MORC1: variants seen among roughly 807,000 people sequenced by gnomAD.
MORC1 encodes MORC family CW-type zinc finger 1.
Under a neutral mutation model 134.9 loss-of-function variants are expected in MORC1, and 59 were observed. The observed-to-expected ratio is 0.44, with a 90% CI of 0.35 to 0.54. MORC1 has a LOEUF of 0.54. Among genes scored for constraint, MORC1 ranks in the 20% least tolerant of loss-of-function variants. The probability of loss-of-function intolerance (pLI) is 0.00; values close to 1 mark genes in which losing one functional copy is unlikely to be tolerated. For missense variants in MORC1, 947 were observed against 1,134.5 expected (o/e 0.83, Z 2.37); for synonymous variants, 395 against 391.7 (o/e 1.01, Z -0.10).
chr3:109,061,839 C>G (rs1467643283), intron 11 of MORC1, 149 bp downstream of exon 11: 2 of 734,740 alleles, frequency 2.7e-6, no homozygotes, highest in African/African-American at 3.5e-5. Context: ...CTCATCTATT[C>G]TGTTTACCTG....
intron 14 of MORC1, among the ~76,000 whole-genome samples, chr3:109,048,859 A>G (rs1445179628): frequency 6.6e-6 from 1 of 152,308 alleles, no homozygotes; most frequent in East Asian, 1.9e-4. Flanking sequence ...ACTATTTCTT[A>G]AAGGCCCTAT....
At chr3:108,960,780 G>A (rs1020624460) in intron 27 of MORC1, among the ~76,000 whole-genome samples, 2 of 151,938 alleles carry the variant, frequency 1.3e-5, no homozygotes, top group South Asian at 4.2e-4. Flanking sequence ...TTATAGTCCT[G>A]ATCTGACTCC....
intron 17 of MORC1, among the ~76,000 whole-genome samples, chr3:109,018,590 A>G (rs1375322446): frequency 6.6e-6 from 1 of 152,168 alleles, no homozygotes; most frequent in Admixed American, 6.5e-5. Flanking sequence ...AAATGTCCAG[A>G]TACATTTTCT....
chr3:109,095,172 C>T, intron 6 of MORC1, 104 bp from the exon 7 acceptor site: 1 of 1,119,172 alleles, frequency 8.9e-7, no homozygotes, highest in Non-Finnish European at 1.3e-6. Flanking sequence ...AATTACAAAA[C>T]ACTAAGTTAA....
chr3:109,034,665 C>T (rs2107614645), intron 15 of MORC1, among the ~76,000 whole-genome samples: 1 of 152,218 alleles, frequency 6.6e-6, no homozygotes, highest in Admixed American at 6.5e-5. Flanking sequence ...TACTATTTCA[C>T]AAACATTTTA....
intron 17 of MORC1, among the ~76,000 whole-genome samples, chr3:109,014,975 T>A (rs1948782882): frequency 6.6e-6 from 1 of 152,144 alleles, no homozygotes; most frequent in Non-Finnish European, 1.5e-5. Context: ...AACCTCTGCC[T>A]CCTGGGTTCA....
intron 21 of MORC1, among the ~76,000 whole-genome samples, chr3:108,996,486 T>C (rs551660138): frequency 1.2e-4 from 18 of 152,306 alleles, no homozygotes; most frequent in African/African-American, 4.3e-4. Context: ...ACTGAGAGGC[T>C]ATCTAGAGCA....
intron 8 of MORC1, among the ~76,000 whole-genome samples, chr3:109,079,217 A>C (rs1402604048): frequency 1.3e-5 from 2 of 152,106 alleles, no homozygotes; most frequent in East Asian, 3.8e-4. Context: ...AAAAGCAAAA[A>C]ATTTAAAGGA....
chr3:109,101,254 C>T (rs1950920013), intron 4 of MORC1, among the ~76,000 whole-genome samples: 1 of 152,158 alleles, frequency 6.6e-6, no homozygotes, highest in Non-Finnish European at 1.5e-5. Flanking sequence ...CTAGTAATTT[C>T]CCCACGAATT....
Position 108,958,893 on chromosome 3 carries a change from A to C in MORC1, c.*72T>G. The stretch of plus-strand genomic sequence containing the variant: ...ATAGACTTTACAGTAACAACAACAA[A>C]AAAGAAAAATTTTTAAAAGAATCTT... On this transcript the variant is annotated 3_prime_UTR_variant, in exon 28 of 28. Coordinates refer to ENST00000232603, the MANE Select transcript of MORC1 (RefSeq NM_014429.4). The C allele has an allele frequency of 1.7e-6, 2 of 1,190,814 alleles. No homozygotes were observed. Among genetic ancestry groups the C allele is most frequent in the Non-Finnish European group, 2.3e-6 (2 of 884,330 alleles). The allele number at this position is 1,190,814 out of a possible 1,614,324, so 73.8% of individuals were successfully genotyped here.
chr3:109,114,848 A>G (rs1951236884), intron 1 of MORC1, among the ~76,000 whole-genome samples: 1 of 152,266 alleles, frequency 6.6e-6, no homozygotes, highest in Non-Finnish European at 1.5e-5. Context: ...AAAAGGCCAT[A>G]AGGCTCCATG....
rs773525626 is a variant in MORC1, at chr3:109,059,845, T to G, written c.992A>C (p.Asp331Ala). The change falls in exon 12 of 28, where the codon GAT becomes GCT. Residue 331 changes from aspartate (D) to alanine (A), a missense_variant. Asp to Ala is a moderately radical substitution (Grantham distance 126). Transcript: ENST00000232603. ...AAGATTCTTTTGCTTTGCTTCTACATCTTCCAAAGCTCTCTGTAATACATC... is the reference window on the plus strand; with the variant it reads ...AAGATTCTTTTGCTTTGCTTCTACAGCTTCCAAAGCTCTCTGTAATACATC... The part of the protein sequence containing the change: ...AKDVLQRALE[D>A]VEAKQKNLKE... 2 of 1,612,808 alleles carry G rather than the reference T, an allele frequency of 1.2e-6. No individual in the cohort carries two copies. The highest frequency in any genetic ancestry group is 3.3e-5 in the Admixed American group (2 of 59,890).
At chr3:109,090,620 CAAAA>C (rs34093019) in intron 8 of MORC1, among the ~76,000 whole-genome samples, 21 of 54,688 alleles carry the variant, frequency 3.8e-4, no homozygotes, top group African/African-American at 1.1e-3. Flanking sequence ...AACTCCGTCT[CAAAA>C]AAAAAAAAAA....
At chr3:109,065,447 C>T (rs1449523869) in intron 9 of MORC1, among the ~76,000 whole-genome samples, 1 of 152,176 alleles carries the variant, frequency 6.6e-6, no homozygotes, top group Non-Finnish European at 1.5e-5. Context: ...CAAGATATCT[C>T]CTGTGTTTTT....
At chr3:109,085,298 A>T (rs764326099) in intron 8 of MORC1, among the ~76,000 whole-genome samples, 9 of 152,158 alleles carry the variant, frequency 5.9e-5, no homozygotes, top group Non-Finnish European at 1.3e-4. Flanking sequence ...AAAGCAAAGA[A>T]GATAGTCAAC....
intron 7 of MORC1, among the ~76,000 whole-genome samples, chr3:109,094,557 C>T (rs1950792185): frequency 1.3e-5 from 2 of 152,176 alleles, no homozygotes; most frequent in Non-Finnish European, 2.9e-5. Flanking sequence ...TGCTAACTCT[C>T]TTACATACCT....
chr3:109,037,236 T>G (rs1325939802), intron 14 of MORC1, among the ~76,000 whole-genome samples: 3 of 152,200 alleles, frequency 2.0e-5, no homozygotes, highest in Non-Finnish European at 4.4e-5. Flanking sequence ...AAATGTTTCT[T>G]TCTAAGAAAC....
At chr3:108,966,846 G>A (rs1947233571) in intron 26 of MORC1, among the ~76,000 whole-genome samples, 2 of 152,068 alleles carry the variant, frequency 1.3e-5, no homozygotes, top group South Asian at 4.1e-4. Context: ...ATAACTCTGG[G>A]GCACTCATTT....
intron 22 of MORC1, 80 bp downstream of exon 22, chr3:108,986,800 A>C: frequency 1.0e-6 from 1 of 980,092 alleles, no homozygotes. Flanking sequence ...TGATCTATAT[A>C]TCAGGCTGTC....
Sources: gnomAD v4.1 joint callset for allele counts (sites outside exome capture counted in the v4.1 genomes callset) on GRCh38, gnomAD v4.1.1 for gene constraint, MANE v1.5 for transcripts, NCBI Gene and HGNC (gene_info 2026-07-23, HGNC 2026-07-21) for gene names.